The following FAM13A variants were observed in gnomAD, a reference collection of about 807,000 sequenced individuals.
The protein encoded by FAM13A is family with sequence similarity 13 member A.
In FAM13A, 76 loss-of-function variants were observed where a neutral mutation model predicts 129.6. The observed-to-expected ratio is 0.59, with a 90% CI of 0.49 to 0.71. The LOEUF is 0.71. Ranked by LOEUF, FAM13A falls within the 30% of genes least tolerant of loss-of-function variation. FAM13A has a pLI of 0.00. For synonymous variants in FAM13A, 443 were observed against 449.9 expected, an observed-to-expected ratio of 0.98 and a Z score of 0.20; for missense variants, 1,108 against 1,249.3, an observed-to-expected ratio of 0.89 and a Z score of 1.70.
chr4:88,904,689 G>A (rs1489439599), intron 6 of FAM13A, among the ~76,000 whole-genome samples: 6 of 152,126 alleles, frequency 3.9e-5, no homozygotes, highest in African/African-American at 1.4e-4. Flanking sequence ...GGTGATGGTA[G>A]GAGATCTGTG....
intron 7 of FAM13A, among the ~76,000 whole-genome samples, chr4:88,832,180 C>A (rs897721746): frequency 5.9e-5 from 9 of 152,238 alleles, no homozygotes; most frequent in African/African-American, 2.2e-4. Flanking sequence ...AACTGGCTAG[C>A]CATATGCAGA....
chr4:88,763,055 G>A (rs1417202088), intron 13 of FAM13A, among the ~76,000 whole-genome samples: 1 of 152,146 alleles, frequency 6.6e-6, no homozygotes, highest in East Asian at 1.9e-4. Context: ...ATATTAGGAT[G>A]GGTTTTAGAG....
intron 5 of FAM13A, among the ~76,000 whole-genome samples, chr4:88,921,870 TG>T (rs1751156941): frequency 6.6e-6 from 1 of 151,334 alleles, no homozygotes; most frequent in Non-Finnish European, 1.5e-5. Flanking sequence ...ATCAAGCAAA[TG>T]GAAAACAAAA....
At chr4:89,041,032 C>G (rs182401734) in intron 1 of FAM13A, among the ~76,000 whole-genome samples, 2 of 152,286 alleles carry the variant, frequency 1.3e-5, no homozygotes, top group Non-Finnish European at 1.5e-5. Context: ...CACTCTTGGA[C>G]CCCTGGATTT....
intron 3 of FAM13A, among the ~76,000 whole-genome samples, chr4:89,005,686 T>C (rs1181199006): frequency 1.3e-5 from 2 of 152,246 alleles, no homozygotes; most frequent in African/African-American, 4.8e-5. Context: ...GCTTTTTTCA[T>C]ATGCTTATTG....
intron 19 of FAM13A, among the ~76,000 whole-genome samples, chr4:88,740,600 T>C (rs1037344069): frequency 6.6e-6 from 1 of 152,212 alleles, no homozygotes; most frequent in African/African-American, 2.4e-5. Context: ...AGGCAAGAGT[T>C]TTAGAGGTAA....
At chr4:88,908,417 G>A (rs1247758817) in intron 5 of FAM13A, among the ~76,000 whole-genome samples, 1 of 152,178 alleles carries the variant, frequency 6.6e-6, no homozygotes, top group African/African-American at 2.4e-5. Context: ...AAACAAGGCT[G>A]ACTGTTAAGG....
At chr4:88,822,584 A>G (rs1200541782) in intron 7 of FAM13A, among the ~76,000 whole-genome samples, 1 of 152,194 alleles carries the variant, frequency 6.6e-6, no homozygotes, top group African/African-American at 2.4e-5. Flanking sequence ...GATGCATTTT[A>G]AAAGGTCTTC....
At chr4:88,968,178 CAG>C in intron 4 of FAM13A, among the ~76,000 whole-genome samples, 1 of 152,194 alleles carries the variant, frequency 6.6e-6, no homozygotes. Flanking sequence ...GCACCCGCCT[CAG>C]GGACTTGAAT....
intron 3 of FAM13A, among the ~76,000 whole-genome samples, chr4:89,001,314 T>C (rs1764217850): frequency 6.6e-6 from 1 of 152,224 alleles, no homozygotes; most frequent in South Asian, 2.1e-4. Context: ...GTGGAGGCTT[T>C]GTGCTGCTGA....
chr4:88,819,143 A>G (rs1731393486), intron 7 of FAM13A, among the ~76,000 whole-genome samples: 1 of 152,200 alleles, frequency 6.6e-6, no homozygotes, highest in Non-Finnish European at 1.5e-5. Flanking sequence ...CAAATATTCA[A>G]TAATATACAC....
rs1767114456 is a variant in FAM13A at position 89,020,474 on chromosome 4, A to G, written c.413T>C (p.Ile138Thr). Reference sequence around the variant, plus strand: ...ATTGTACTAACCCTGAAAGAGTTGAATGAATCGAGGCTGCAACGCTGAGGT... The same window carrying G: ...ATTGTACTAACCCTGAAAGAGTTGAGTGAATCGAGGCTGCAACGCTGAGGT... ...LITSALQPRF[I>T]QLFQDGRNDV... is the part of the protein sequence containing the mutation. Residue 138 changes from isoleucine (I) to threonine (T), a missense_variant, in exon 3 of 24, where the codon ATT becomes ACT. Coordinates refer to ENST00000264344, the MANE Select transcript of FAM13A (RefSeq NM_014883.4). 6.2e-7 allele frequency: 1 copy of G among 1,613,548 alleles called. No individual in the cohort carries two copies. The highest frequency in any genetic ancestry group is 1.3e-5 in the African/African-American group (1 of 74,884).
chr4:89,023,713 A>G (rs1767585446), intron 2 of FAM13A, among the ~76,000 whole-genome samples: 1 of 152,116 alleles, frequency 6.6e-6, no homozygotes, highest in Non-Finnish European at 1.5e-5. Flanking sequence ...TCTCCCACCC[A>G]CAACTCTTAT....
rs115421396 is a variant in FAM13A, at chr4:88,732,069, T to C, written c.2776A>G (p.Met926Val). Residue 926 changes from methionine (M) to valine (V), a missense_variant, in exon 22 of 24, where the codon ATG becomes GTG. By Grantham distance (21) the Met-to-Val change is conservative. Around this residue, in one of 3 missense-constraint regions of FAM13A, gnomAD observed 529 missense variants for 621.2 expected, o/e 0.85. Transcript: ENST00000264344. ...CATTTTGATGGTATTTTATCATCCA[T>C]TGGGGAAATAAATCCATCAGCGTCA... is the stretch of plus-strand genomic sequence containing the variant. ...EDDADGFISP[M>V]DDKIPSKCSQ... The C allele has an allele frequency of 1.3e-5, 21 of 1,614,018 alleles. No homozygotes were observed. The East Asian group carries it at 2.0e-4, about 15-fold the overall frequency.
intron 7 of FAM13A, among the ~76,000 whole-genome samples, chr4:88,839,956 G>A (rs1196610119): frequency 2.6e-5 from 4 of 152,156 alleles, no homozygotes; most frequent in African/African-American, 4.8e-5. Context: ...TAAAGATAGC[G>A]TTTAAAATCA....
chr4:89,010,509 G>A (rs2149083155), intron 3 of FAM13A, among the ~76,000 whole-genome samples: 1 of 152,270 alleles, frequency 6.6e-6, no homozygotes, highest in South Asian at 2.1e-4. Context: ...TCAGGTCTGA[G>A]GAGCTGAAGC....
intron 7 of FAM13A, among the ~76,000 whole-genome samples, chr4:88,834,066 T>A (rs973158427): frequency 7.0e-6 from 1 of 142,366 alleles, no homozygotes; most frequent in African/African-American, 2.8e-5. Context: ...TTTTTTTTTT[T>A]TTTTTTTTTT....
At chr4:88,928,256 T>C (rs1374475789) in intron 5 of FAM13A, among the ~76,000 whole-genome samples, 1 of 152,146 alleles carries the variant, frequency 6.6e-6, no homozygotes, top group Admixed American at 6.5e-5. Context: ...GGCCCAACCA[T>C]GTGGTCTATC....
chr4:89,000,919 G>A (rs1264078541), intron 3 of FAM13A, among the ~76,000 whole-genome samples: 1 of 152,224 alleles, frequency 6.6e-6, no homozygotes, highest in Non-Finnish European at 1.5e-5. Context: ...GACAGTAGAT[G>A]GAAGATTTTA....
Sources: gnomAD v4.1 joint callset for allele counts (sites outside exome capture counted in the v4.1 genomes callset) on GRCh38, gnomAD v4.1.1 for gene constraint, gnomAD v4.1.1 regional missense constraint, MANE v1.5 for transcripts, NCBI Gene and HGNC (gene_info 2026-07-23, HGNC 2026-07-21) for gene names.